AGMO: variants seen among roughly 807,000 people sequenced by gnomAD.
AGMO encodes the protein alkylglycerol monooxygenase.
AGMO carries 75 observed loss-of-function variants against 60.2 expected under a neutral mutation model. The ratio of observed to expected loss-of-function variants is 1.25; its 90% CI spans 1.03 to 1.51. The LOEUF is 1.51. Ranked by LOEUF, AGMO falls within the 40% of genes most tolerant of loss-of-function variation. AGMO has a pLI of 0.00. For synonymous variants in AGMO, 261 were observed against 177.1 expected (o/e 1.47, Z -3.76); for missense variants, 763 against 525.5 (o/e 1.45, Z -4.42).
intron 12 of AGMO, among the ~76,000 whole-genome samples, chr7:15,328,298 T>C (rs974552349): frequency 5.3e-5 from 8 of 152,040 alleles, no homozygotes; most frequent in African/African-American, 9.7e-5. Context: ...GTTTTCTCCA[T>C]GTTGGCCAGG....
At chr7:15,160,959 T>C in the AGMO span, among the ~76,000 whole-genome samples, 1 of 152,216 alleles carries the variant, frequency 6.6e-6, no homozygotes, top group East Asian at 1.9e-4. Context: ...TGCTACATCA[T>C]CTCATGGATG....
chr7:15,242,020 A>C (rs1190662603), intron 12 of AGMO, among the ~76,000 whole-genome samples: 1 of 152,144 alleles, frequency 6.6e-6, no homozygotes, highest in East Asian at 1.9e-4. Flanking sequence ...AATACTTCTT[A>C]AGCTTGGAAT....
intron 12 of AGMO, among the ~76,000 whole-genome samples, chr7:15,267,079 G>C (rs369059329): frequency 6.6e-6 from 1 of 151,934 alleles, no homozygotes; most frequent in East Asian, 1.9e-4. Flanking sequence ...CCTCATTAGA[G>C]GCGTCTACTT....
rs79552285 is a variant in AGMO, at chr7:15,293,391, C to T, written c.1263+72123G>A. On this transcript the variant is annotated intron_variant, in intron 12 of 12. Coordinates refer to ENST00000342526, the MANE Select transcript of AGMO (RefSeq NM_001004320.2). ...GATAGATTTCAGCATATAACTAAACCGGGCGGGTTAGGTAAGGTGAATATG... is the reference window on the plus strand; with the variant it reads ...GATAGATTTCAGCATATAACTAAACTGGGCGGGTTAGGTAAGGTGAATATG... Among the ~76,000 whole-genome samples the T allele has an allele frequency of 5.6e-3, 855 of 152,002 alleles. 5 individuals carry two copies. Among genetic ancestry groups the T allele is most frequent in the African/African-American group, 0.019 (782 of 41,434 alleles).
At chr7:15,506,590 T>C (rs534652703) in intron 3 of AGMO, among the ~76,000 whole-genome samples, 1 of 152,234 alleles carries the variant, frequency 6.6e-6, no homozygotes, top group African/African-American at 2.4e-5. Flanking sequence ...TATCTTTGTT[T>C]GTGTAACAAG....
chr7:15,363,983 GATT>G (rs1288353689), intron 12 of AGMO, among the ~76,000 whole-genome samples: 2 of 151,522 alleles, frequency 1.3e-5, no homozygotes, highest in East Asian at 3.9e-4. Context: ...TATAATTTAT[GATT>G]ATTTTGCTTT....
At chr7:15,244,682 C>T (rs776033994) in intron 12 of AGMO, among the ~76,000 whole-genome samples, 4 of 152,018 alleles carry the variant, frequency 2.6e-5, no homozygotes, top group East Asian at 1.9e-4. Context: ...AGAGTCGTCT[C>T]GCACTGTCGC....
At chr7:15,416,548 C>T (rs892600049) in intron 5 of AGMO, among the ~76,000 whole-genome samples, 4 of 151,942 alleles carry the variant, frequency 2.6e-5, no homozygotes, top group Admixed American at 2.6e-4. Context: ...ATCATATTCC[C>T]CTTAGAGTGA....
intron 12 of AGMO, among the ~76,000 whole-genome samples, chr7:15,261,526 C>T (rs1001845891): frequency 2.0e-5 from 3 of 151,608 alleles, no homozygotes; most frequent in African/African-American, 4.8e-5. Context: ...TGTCAACACA[C>T]AAAAAAAGTC....
chr7:15,293,642 A>G (rs945910651), intron 12 of AGMO, among the ~76,000 whole-genome samples: 1 of 152,202 alleles, frequency 6.6e-6, no homozygotes, highest in Admixed American at 6.5e-5. Context: ...ATTAAATTCG[A>G]TATTCAGGTG....
rs564756981 is a variant in AGMO, at chr7:15,268,552, G to A, written c.1264-67193C>T. 8.5e-5 allele frequency among the ~76,000 whole-genome samples: 13 copies of A among 152,080 alleles called. No individual in the cohort carries two copies. The East Asian group carries it at 2.5e-3, about 29-fold the overall frequency. ...GTCTGGAATTATATTAATTCAGTGT[G>A]AGATTGTCAAATAATAAAAACTAGC... is the stretch of plus-strand genomic sequence containing the variant. On this transcript the variant is annotated intron_variant, in intron 12 of 12. Coordinates refer to ENST00000342526, the MANE Select transcript of AGMO (RefSeq NM_001004320.2).
intron 4 of AGMO, among the ~76,000 whole-genome samples, chr7:15,419,409 A>T (rs533377220): frequency 2.6e-5 from 4 of 151,986 alleles, no homozygotes; most frequent in Non-Finnish European, 4.4e-5. Flanking sequence ...TAAATGAGAG[A>T]CTAAATAACC....
At chr7:15,468,482 G>A (rs1298013561) in intron 3 of AGMO, among the ~76,000 whole-genome samples, 1 of 151,806 alleles carries the variant, frequency 6.6e-6, no homozygotes, top group Non-Finnish European at 1.5e-5. Flanking sequence ...ACACATAGCT[G>A]TACATGTTTT....
the AGMO span, among the ~76,000 whole-genome samples, chr7:15,182,706 T>C: frequency 5.3e-4 from 81 of 152,324 alleles, 1 homozygote; most frequent in East Asian, 0.014. Flanking sequence ...AATGAGCCAC[T>C]GTGCCTAGCC....
At position 15,441,930 on chromosome 7, in the gene AGMO, T is replaced by G. The variant is rs188411165; in HGVS notation, c.410-10822A>C. Reference sequence around the variant, plus strand: ...ATGTATATTACCCCTGTCAACAAAATCTTACCAGGATCTCTTTGCTACTAA... The same window carrying G: ...ATGTATATTACCCCTGTCAACAAAAGCTTACCAGGATCTCTTTGCTACTAA... On this transcript the variant is annotated intron_variant, in intron 3 of 12. Coordinates refer to ENST00000342526, the MANE Select transcript of AGMO (RefSeq NM_001004320.2). Among the ~76,000 whole-genome samples the G allele has an allele frequency of 5.9e-5, 9 of 152,292 alleles. No individual in the cohort carries two copies. In the East Asian group the frequency reaches 1.5e-3, roughly 26 times the overall value.
intron 3 of AGMO, among the ~76,000 whole-genome samples, chr7:15,541,048 A>G (rs1784614631): frequency 6.6e-6 from 1 of 152,308 alleles, no homozygotes; most frequent in Admixed American, 6.5e-5. Flanking sequence ...GTTTTCTTAC[A>G]TGTTTAGTGT....
intron 12 of AGMO, among the ~76,000 whole-genome samples, chr7:15,262,738 A>G (rs952510162): frequency 6.6e-6 from 1 of 152,170 alleles, no homozygotes; most frequent in Non-Finnish European, 1.5e-5. Flanking sequence ...ATGGGCACAT[A>G]TATCAATGGA....
At chr7:15,291,988 A>G (rs1273892124) in intron 12 of AGMO, among the ~76,000 whole-genome samples, 1 of 152,198 alleles carries the variant, frequency 6.6e-6, no homozygotes, top group Non-Finnish European at 1.5e-5. Context: ...CAAGTATAGA[A>G]GACTCAAGTA....
At chr7:15,178,629 T>C in the AGMO span, among the ~76,000 whole-genome samples, 1 of 152,180 alleles carries the variant, frequency 6.6e-6, no homozygotes, top group Admixed American at 6.5e-5. Context: ...CTGTATGTAC[T>C]TGGTACATAA....
Sources: allele counts gnomAD v4.1 joint callset (sites outside exome capture counted in the v4.1 genomes callset), GRCh38; gene constraint gnomAD v4.1.1; transcripts MANE v1.5; gene names NCBI Gene and HGNC (gene_info 2026-07-23, HGNC 2026-07-21).